The following RARS2 variants were observed in gnomAD, a reference collection of about 807,000 sequenced individuals.
RARS2 encodes the protein arginyl-tRNA synthetase 2, mitochondrial.
A neutral mutation model predicts 88.5 loss-of-function variants in RARS2; 67 were observed. The ratio of observed to expected loss-of-function variants is 0.76; its 90% CI spans 0.62 to 0.93. The LOEUF is 0.93. Among genes scored for constraint, RARS2 ranks in the 40% least tolerant of loss-of-function variants. The pLI is 0.00. For missense variants in RARS2, 664 were observed against 684.2 expected, an observed-to-expected ratio of 0.97 and a Z score of 0.33; for synonymous variants, 239 against 230.3, an observed-to-expected ratio of 1.04 and a Z score of -0.34.
intron 2 of RARS2, among the ~76,000 whole-genome samples, chr6:87,565,893 T>C (rs1299502970): frequency 1.3e-5 from 2 of 152,218 alleles, no homozygotes; most frequent in East Asian, 1.9e-4. Context: ...TTAACACTTA[T>C]GAAACTCAGG....
rs1788160137 is a variant in RARS2 at position 87,562,551 on chromosome 6, A to T, written c.297+151T>A. 4.5e-6 allele frequency: 3 copies of T among 665,606 alleles called. 1 individual carries two copies. Among genetic ancestry groups the T allele is most frequent in the South Asian group, 3.5e-5 (2 of 57,842 alleles). The allele number at this position is 665,606 out of a possible 1,614,324, so 41.2% of individuals were successfully genotyped here. A position where few individuals can be genotyped will look rare whatever the true frequency, so the allele number is the denominator to read the frequency against. ...AGATTTAAAGGATGAGTAGGTGTTA[A>T]CTTGGGGTGGTACTCTCCAAGTTAT... On this transcript the variant is annotated intron_variant, in intron 4 of 19. Coordinates refer to ENST00000369536, the MANE Select transcript of RARS2 (RefSeq NM_020320.5).
At chr6:87,516,135 T>C (rs1211641032) in intron 18 of RARS2, among the ~76,000 whole-genome samples, 7 of 151,916 alleles carry the variant, frequency 4.6e-5, no homozygotes, top group Admixed American at 3.9e-4. Context: ...CAACATTTCC[T>C]TTATTAAATG....
intron 1 of RARS2, among the ~76,000 whole-genome samples, chr6:87,571,354 G>A (rs1427040031): frequency 6.6e-6 from 1 of 152,236 alleles, no homozygotes; most frequent in Non-Finnish European, 1.5e-5. Flanking sequence ...GCTGAACTGT[G>A]AGTCAATTAA....
intron 5 of RARS2, among the ~76,000 whole-genome samples, chr6:87,554,646 C>T (rs1463409284): frequency 2.0e-5 from 3 of 151,854 alleles, no homozygotes; most frequent in South Asian, 4.2e-4. Context: ...TTTTAAGAGG[C>T]GAGGTCTGCG....
chr6:87,518,916 T>C, intron 14 of RARS2, 25 bp from the exon 15 acceptor site: 2 of 1,608,776 alleles, frequency 1.2e-6, no homozygotes, highest in South Asian at 2.2e-5. Context: ...GGCAGCTATC[T>C]TTAGTCTACA....
intron 1 of RARS2, among the ~76,000 whole-genome samples, chr6:87,571,487 C>T (rs779464499): frequency 6.6e-5 from 10 of 152,184 alleles, no homozygotes; most frequent in Admixed American, 2.0e-4. Context: ...AGTGAAATAA[C>T]AGCATAGCCA....
intron 8 of RARS2, among the ~76,000 whole-genome samples, chr6:87,541,283 C>T (rs1178824087): frequency 6.6e-6 from 1 of 152,082 alleles, no homozygotes; most frequent in Non-Finnish European, 1.5e-5. Context: ...GTCTAGCAAT[C>T]CTCCTGCCTC....
intron 11 of RARS2, 69 bp downstream of exon 11, chr6:87,524,488 T>C: frequency 1.7e-6 from 2 of 1,190,866 alleles, no homozygotes; most frequent in Admixed American, 1.7e-5. Context: ...CATAATTAAT[T>C]GTACATAGTG....
intron 10 of RARS2, among the ~76,000 whole-genome samples, chr6:87,527,205 A>AG (rs949423654): frequency 6.6e-5 from 10 of 151,974 alleles, no homozygotes; most frequent in African/African-American, 1.9e-4. Flanking sequence ...GCTACTTGGG[A>AG]GGCTGAGGCA....
chr6:87,538,485 A>T (rs1280148391), intron 8 of RARS2, among the ~76,000 whole-genome samples: 2 of 152,226 alleles, frequency 1.3e-5, no homozygotes, highest in African/African-American at 4.8e-5. Context: ...CTGCATAGAA[A>T]GAAATATATT....
intron 11 of RARS2, among the ~76,000 whole-genome samples, chr6:87,524,197 T>C (rs558501420): frequency 7.2e-5 from 11 of 152,254 alleles, no homozygotes; most frequent in South Asian, 4.1e-4. Flanking sequence ...TGAACAGAGA[T>C]TGGCCCTTCC....
intron 9 of RARS2, 91 bp from the exon 10 acceptor site, chr6:87,529,739 G>A: frequency 1.2e-6 from 1 of 826,036 alleles, no homozygotes. Flanking sequence ...TCTACCACCT[G>A]TCACACACAT....
chr6:87,518,551 G>C, intron 16 of RARS2, 79 bp downstream of exon 16: 3 of 1,437,640 alleles, frequency 2.1e-6, no homozygotes, highest in East Asian at 2.3e-5. Flanking sequence ...CAGAAAACAG[G>C]GCCTCTGGTC....
rs1013758723 is a variant in RARS2 at position 87,514,335 on chromosome 6, A to C, written c.*78T>G. On this transcript the variant is annotated 3_prime_UTR_variant, in exon 20 of 20. Transcript: ENST00000369536. ...TCAAAAAAAAAAAAAAAAAATTTAA[A>C]TTTATTCTGAACAGCAAGGCATCTC... The C allele has an allele frequency of 2.9e-6, 3 of 1,036,656 alleles. No individual in the cohort carries two copies. The highest frequency in any genetic ancestry group is 3.3e-5 in the African/African-American group (2 of 61,132). The allele number at this position is 1,036,656 out of a possible 1,614,324, so 64.2% of individuals were successfully genotyped here. A position where few individuals can be genotyped will look rare whatever the true frequency, so the allele number is the denominator to read the frequency against.
intron 4 of RARS2, among the ~76,000 whole-genome samples, chr6:87,562,156 T>C (rs1177833649): frequency 6.6e-6 from 1 of 152,100 alleles, no homozygotes; most frequent in Non-Finnish European, 1.5e-5. Context: ...TGTAGAGATA[T>C]GCTGCCAGGG....
At chr6:87,545,511 A>AT (rs1782354847) in intron 7 of RARS2, 105 bp downstream of exon 7, 1 of 1,472,448 alleles carries the variant, frequency 6.8e-7, no homozygotes, top group Admixed American at 1.9e-5. Flanking sequence ...TAGGTAGGAC[A>AT]TACTACTTCA....
intron 3 of RARS2, among the ~76,000 whole-genome samples, chr6:87,563,703 T>C (rs1241786366): frequency 6.6e-6 from 1 of 152,246 alleles, no homozygotes; most frequent in Non-Finnish European, 1.5e-5. Flanking sequence ...TTAAATCATC[T>C]AACCACCTCT....
chr6:87,540,794 A>G (rs1283897944), intron 8 of RARS2, among the ~76,000 whole-genome samples: 1 of 152,194 alleles, frequency 6.6e-6, no homozygotes, highest in Admixed American at 6.5e-5. Flanking sequence ...AGAACTGAAG[A>G]TAAAGAAGCA....
chr6:87,546,300 G>A (rs1782620089), intron 6 of RARS2, among the ~76,000 whole-genome samples: 1 of 152,132 alleles, frequency 6.6e-6, no homozygotes, highest in Non-Finnish European at 1.5e-5. Flanking sequence ...AATTCCCAGA[G>A]TCTCCTGTGG....
Sources: allele counts gnomAD v4.1 joint callset (sites outside exome capture counted in the v4.1 genomes callset), GRCh38; gene constraint gnomAD v4.1.1; transcripts MANE v1.5; gene names NCBI Gene and HGNC (gene_info 2026-07-23, HGNC 2026-07-21).